The following FARS2 variants were observed in gnomAD, a reference collection of about 807,000 sequenced individuals.
The protein encoded by FARS2 is phenylalanyl-tRNA synthetase 2, mitochondrial, also known as phenylalanine--tRNA ligase, mitochondrial.
FARS2 carries 40 observed loss-of-function variants against 46.4 expected under a neutral mutation model. That is an observed-to-expected ratio of 0.86 (90% CI 0.67 to 1.12). FARS2 has a LOEUF of 1.12. Among genes scored for constraint, FARS2 ranks in the 50% most tolerant of loss-of-function variants. FARS2 has a pLI of 0.00. For missense variants in FARS2, 513 were observed against 567.9 expected (o/e 0.90, Z 0.98); for synonymous variants, 234 against 214.9 (o/e 1.09, Z -0.78).
At chr6:5,502,013 C>A (rs1481783441) in intron 4 of FARS2, among the ~76,000 whole-genome samples, 2 of 152,308 alleles carry the variant, frequency 1.3e-5, no homozygotes, top group East Asian at 3.9e-4. Context: ...TGAGCCAATA[C>A]CTCCTTGAAT....
chr6:5,536,503 G>T (rs1383725260), intron 4 of FARS2, among the ~76,000 whole-genome samples: 1 of 152,148 alleles, frequency 6.6e-6, no homozygotes, highest in Non-Finnish European at 1.5e-5. Context: ...TAAAAAAGCA[G>T]AACCCTATAA....
chr6:5,738,578 G>A (rs908918220), intron 6 of FARS2, among the ~76,000 whole-genome samples: 37 of 152,142 alleles, frequency 2.4e-4, no homozygotes, highest in African/African-American at 8.7e-4. Context: ...AATTATAAGG[G>A]ATGTTTTTAT....
rs1247902617 is a variant in FARS2 at position 5,611,150 on chromosome 6, G to C, written c.1066-2019G>C. On this transcript the variant is annotated intron_variant, in intron 5 of 6. Coordinates refer to ENST00000274680, the MANE Select transcript of FARS2 (RefSeq NM_006567.5). ...CATGAAGTAAGTAAGTACACAAACA[G>C]TGAGGATGAAAAGTACTGTGCAAGA... Among the ~76,000 whole-genome samples the C allele has an allele frequency of 2.0e-5, 3 of 152,222 alleles. No individual in the cohort carries two copies. The South Asian group carries it at 6.2e-4, about 32-fold the overall frequency.
At chr6:5,751,290 G>C (rs1211578026) in intron 6 of FARS2, among the ~76,000 whole-genome samples, 1 of 152,192 alleles carries the variant, frequency 6.6e-6, no homozygotes, top group African/African-American at 2.4e-5. Flanking sequence ...TAGTTGATCA[G>C]GCAAATGGCA....
chr6:5,536,948 T>C (rs1770239830), intron 4 of FARS2, among the ~76,000 whole-genome samples: 1 of 152,232 alleles, frequency 6.6e-6, no homozygotes, highest in East Asian at 1.9e-4. Context: ...GATAATCATG[T>C]ACATTTCAGA....
chr6:5,594,941 C>G (rs1224976870), intron 5 of FARS2, among the ~76,000 whole-genome samples: 1 of 152,196 alleles, frequency 6.6e-6, no homozygotes, highest in Non-Finnish European at 1.5e-5. Context: ...ATGGAGCCAG[C>G]CCTTTCTCCT....
At chr6:5,525,871 A>G (rs1176713603) in intron 4 of FARS2, among the ~76,000 whole-genome samples, 1 of 152,100 alleles carries the variant, frequency 6.6e-6, no homozygotes, top group African/African-American at 2.4e-5. Context: ...GGTAAAATAG[A>G]TGCTCTAACA....
rs181939192 is a variant in FARS2 at position 5,632,102 on chromosome 6, A to T, written c.1217+18782A>T. On this transcript the variant is annotated intron_variant, in intron 6 of 6. Coordinates refer to ENST00000274680, the MANE Select transcript of FARS2 (RefSeq NM_006567.5). ...TGGGCTTTTGAATTAAGTTTTAAAAATCACTTTTTCACCCTATGCCCCAAT... is the reference window on the plus strand; with the variant it reads ...TGGGCTTTTGAATTAAGTTTTAAAATTCACTTTTTCACCCTATGCCCCAAT... 2.1e-3 allele frequency among the ~76,000 whole-genome samples: 317 copies of T among 152,340 alleles called. 2 individuals carry two copies. Among genetic ancestry groups the T allele is most frequent in the African/African-American group, 7.4e-3 (307 of 41,584 alleles).
intron 4 of FARS2, among the ~76,000 whole-genome samples, chr6:5,479,792 T>C (rs954475426): frequency 3.3e-5 from 5 of 152,346 alleles, no homozygotes; most frequent in Admixed American, 2.6e-4. Flanking sequence ...ATTGTATGGT[T>C]AGGTAACAAC....
chr6:5,596,790 A>G (rs1774225806), intron 5 of FARS2, among the ~76,000 whole-genome samples: 1 of 152,220 alleles, frequency 6.6e-6, no homozygotes, highest in South Asian at 2.1e-4. Context: ...TCTGGCCTCT[A>G]GTAACCAGTG....
intron 6 of FARS2, among the ~76,000 whole-genome samples, chr6:5,624,856 G>A (rs557369486): frequency 6.8e-6 from 1 of 146,726 alleles, no homozygotes; most frequent in Non-Finnish European, 1.5e-5. Context: ...GGGCAGTTAT[G>A]AGTGACACTC....
chr6:5,308,875 G>A (rs1768904239), intron 1 of FARS2, among the ~76,000 whole-genome samples: 1 of 152,188 alleles, frequency 6.6e-6, no homozygotes, highest in South Asian at 2.1e-4. Context: ...CATATTTGAT[G>A]TCTGGTAGGG....
intron 6 of FARS2, among the ~76,000 whole-genome samples, chr6:5,676,294 C>G (rs1778763300): frequency 6.6e-6 from 1 of 152,188 alleles, no homozygotes; most frequent in African/African-American, 2.4e-5. Flanking sequence ...TGATTCTTCT[C>G]TTTCCTCCTA....
At chr6:5,589,352 T>C (rs1582520751) in intron 5 of FARS2, among the ~76,000 whole-genome samples, 1 of 152,242 alleles carries the variant, frequency 6.6e-6, no homozygotes, top group Admixed American at 6.5e-5. Context: ...TAGAGCTGCA[T>C]AAATATTGAT....
intron 6 of FARS2, among the ~76,000 whole-genome samples, chr6:5,766,435 C>G (rs1231223458): frequency 1.3e-5 from 2 of 152,282 alleles, no homozygotes; most frequent in Non-Finnish European, 2.9e-5. Flanking sequence ...GCCCACCCCA[C>G]TCACAGTCAT....
At chr6:5,345,282 G>A (rs7751681) in intron 1 of FARS2, among the ~76,000 whole-genome samples, 27,287 of 152,102 alleles carry the variant, frequency 0.18, 2,978 homozygotes, top group East Asian at 0.49. Flanking sequence ...TAGTAAGAAG[G>A]TAATCAGCTT....
chr6:5,478,718 C>T (rs1766272032), intron 4 of FARS2, among the ~76,000 whole-genome samples: 1 of 152,106 alleles, frequency 6.6e-6, no homozygotes, highest in Admixed American at 6.5e-5. Context: ...AGGGTGCTTC[C>T]CTGGCTTCCC....
At chr6:5,676,378 G>C (rs765456870) in intron 6 of FARS2, among the ~76,000 whole-genome samples, 2 of 152,176 alleles carry the variant, frequency 1.3e-5, no homozygotes, top group Non-Finnish European at 2.9e-5. Context: ...TATTAGACTG[G>C]ATACATATTT....
At chr6:5,316,163 A>G (rs1286576031) in intron 1 of FARS2, among the ~76,000 whole-genome samples, 2 of 152,254 alleles carry the variant, frequency 1.3e-5, no homozygotes, top group Admixed American at 1.3e-4. Context: ...TGTCAAATGT[A>G]CTGGGAAAGA....
Sources: gnomAD v4.1 joint callset for allele counts (sites outside exome capture counted in the v4.1 genomes callset) on GRCh38, gnomAD v4.1.1 for gene constraint, MANE v1.5 for transcripts, NCBI Gene and HGNC (gene_info 2026-07-23, HGNC 2026-07-21) for gene names.